The following BCAS3 variants were observed in gnomAD, a reference collection of about 807,000 sequenced individuals.
The protein encoded by BCAS3 is BCAS4/BCAS3 fusion.
In BCAS3, 53 loss-of-function variants were observed where a neutral mutation model predicts 116.1. The observed-to-expected ratio is 0.46, with a 90% CI of 0.37 to 0.57. BCAS3 has a LOEUF of 0.57. BCAS3 is among the 20% of genes least tolerant of loss of function. BCAS3 has a pLI of 0.00. For missense variants in BCAS3, 917 were observed against 1,165.4 expected (o/e 0.79, Z 3.10); for synonymous variants, 391 against 408.2 (o/e 0.96, Z 0.51).
chr17:61,045,187 A>T (rs1365384445), intron 19 of BCAS3, among the ~76,000 whole-genome samples: 2 of 152,026 alleles, frequency 1.3e-5, no homozygotes, highest in African/African-American at 4.8e-5. Flanking sequence ...TACAATTTAC[A>T]AAACCTTTTT....
chr17:60,921,779 T>C (rs2059115828), intron 12 of BCAS3, among the ~76,000 whole-genome samples: 2 of 151,732 alleles, frequency 1.3e-5, no homozygotes, highest in South Asian at 2.1e-4. Context: ...GTAACAAACC[T>C]GCACATGCAC....
chr17:60,717,174 G>A lies in BCAS3; in HGVS notation c.321+7849G>A, dbSNP rs150764254. On this transcript the variant is annotated intron_variant, in intron 5 of 23. Coordinates refer to ENST00000407086, the MANE Select transcript of BCAS3 (RefSeq NM_017679.5). ...CAAGCCAGTACAAACATTCTGAGGT[G>A]CAGAATATGTTTCTTTCTTTTTCTT... is the stretch of plus-strand genomic sequence containing the variant. Among the ~76,000 whole-genome samples the A allele has an allele frequency of 3.9e-3, 600 of 151,966 alleles. 16 individuals carry two copies. Among genetic ancestry groups the A allele is most frequent in the Admixed American group, 0.027 (415 of 15,252 alleles).
chr17:61,347,073 G>T lies in BCAS3; in HGVS notation c.2426-21254G>T, dbSNP rs918652548. On this transcript the variant is annotated intron_variant, in intron 22 of 23. Transcript: ENST00000407086. This position sits in a 1 kb window ranked among gnomAD's most constrained non-coding sequence, Gnocchi z 4.3. ...ATCACTCTCTAAATATTGGATTTTT[G>T]TTTTAACAAATTTTTTTTTAAGGCA... Among the ~76,000 whole-genome samples the T allele has an allele frequency of 6.6e-6, 1 of 152,198 alleles. No individual in the cohort carries two copies. Among genetic ancestry groups the T allele is most frequent in the East Asian group, 1.9e-4 (1 of 5,182 alleles).
At position 61,008,845 on chromosome 17, in the gene BCAS3, G is replaced by A. The variant is rs763782405; in HGVS notation, c.1487-6906G>A. ...AGGGCAAAAATAAAGGAGATATTTG[G>A]GACTGGGGCTGTTTCCGTAGAATTG... On this transcript the variant is annotated intron_variant, in intron 15 of 23. Coordinates refer to ENST00000407086, the MANE Select transcript of BCAS3 (RefSeq NM_017679.5). This position sits in a 1 kb window ranked among gnomAD's most constrained non-coding sequence, Gnocchi z 4.6. Among the ~76,000 whole-genome samples the A allele has an allele frequency of 1.3e-5, 2 of 151,996 alleles. No individual in the cohort carries two copies. Among genetic ancestry groups the A allele is most frequent in the Non-Finnish European group, 2.9e-5 (2 of 67,942 alleles).
chr17:60,944,488 A>G (rs1355657359), intron 13 of BCAS3, among the ~76,000 whole-genome samples: 1 of 152,048 alleles, frequency 6.6e-6, no homozygotes, highest in Non-Finnish European at 1.5e-5. Flanking sequence ...TTTTCCCCAG[A>G]AATTAACAGA....
intron 5 of BCAS3, among the ~76,000 whole-genome samples, chr17:60,737,174 A>T (rs777969909): frequency 2.6e-5 from 4 of 152,066 alleles, no homozygotes; most frequent in Non-Finnish European, 5.9e-5. Context: ...TCCTGACCTC[A>T]GATGATTCAC....
chr17:61,345,710 G>A (rs2057465207), intron 22 of BCAS3, among the ~76,000 whole-genome samples: 1 of 152,080 alleles, frequency 6.6e-6, no homozygotes, highest in Admixed American at 6.5e-5. Flanking sequence ...ACTTTACGGT[G>A]GACTTAGTGA....
At position 61,198,132 on chromosome 17, in the gene BCAS3, G is replaced by GTTTTTTTT; in HGVS notation, c.2425+113573_2425+113580dup. Among the ~76,000 whole-genome samples, 1 of 143,654 alleles carries GTTTTTTTT rather than the reference G, an allele frequency of 7.0e-6. No homozygotes were observed. The highest frequency in any genetic ancestry group is 1.5e-5 in the Non-Finnish European group (1 of 65,482). 94.2% of individuals were successfully genotyped at this position (143,654 alleles called of 152,430 possible). The stretch of plus-strand genomic sequence containing the variant: ...GCGATTAAGATAAAGTGCAAGATAT[G>GTTTTTTTT]TTTTTTTTTTTTCTTTTTTTTTTTT... On this transcript the variant is annotated intron_variant, in intron 22 of 23. Coordinates refer to ENST00000407086, the MANE Select transcript of BCAS3 (RefSeq NM_017679.5). The surrounding 1 kb of genome is among the most constrained non-coding windows in gnomAD (Gnocchi z 5.0).
At chr17:61,303,989 GAATCC>G (rs2053645791) in intron 22 of BCAS3, among the ~76,000 whole-genome samples, 1 of 152,128 alleles carries the variant, frequency 6.6e-6, no homozygotes, top group South Asian at 2.1e-4. Context: ...ATTATTTTCT[GAATCC>G]CAGTCTGTAA....
At chr17:61,201,419 A>G (rs1453374927) in intron 22 of BCAS3, among the ~76,000 whole-genome samples, 2 of 152,270 alleles carry the variant, frequency 1.3e-5, no homozygotes, top group Non-Finnish European at 2.9e-5. Context: ...AAAAGGATCC[A>G]AGAGGAATTC....
At chr17:60,727,646 C>T (rs1217917908) in intron 5 of BCAS3, among the ~76,000 whole-genome samples, 1 of 152,060 alleles carries the variant, frequency 6.6e-6, no homozygotes, top group East Asian at 1.9e-4. Context: ...ACGGAGGTCC[C>T]GTATACCTCC....
intron 13 of BCAS3, among the ~76,000 whole-genome samples, chr17:60,937,665 G>T (rs1599817563): frequency 6.6e-6 from 1 of 152,268 alleles, no homozygotes; most frequent in East Asian, 1.9e-4. Flanking sequence ...AACACATAAA[G>T]AATCTGCTTG....
intron 14 of BCAS3, among the ~76,000 whole-genome samples, chr17:60,977,695 TC>T (rs1223996524): frequency 1.3e-5 from 2 of 149,062 alleles, no homozygotes; most frequent in Admixed American, 6.6e-5. Flanking sequence ...ATGTTCCCCT[TC>T]CTGTGTCCAC....
At chr17:60,901,297 A>C (rs1051356382) in intron 10 of BCAS3, among the ~76,000 whole-genome samples, 3 of 152,040 alleles carry the variant, frequency 2.0e-5, no homozygotes, top group Non-Finnish European at 4.4e-5. Context: ...TAATTACCAG[A>C]AGCAGGGAAT....
chr17:60,855,521 C>A (rs1344778968), intron 7 of BCAS3, among the ~76,000 whole-genome samples: 1 of 135,084 alleles, frequency 7.4e-6, no homozygotes, highest in African/African-American at 2.8e-5. Context: ...GTGGTGAGAT[C>A]TCGGCTCACT....
chr17:60,754,349 C>T (rs1306259755), intron 6 of BCAS3, among the ~76,000 whole-genome samples: 3 of 152,044 alleles, frequency 2.0e-5, no homozygotes, highest in African/African-American at 2.4e-5. Flanking sequence ...AGACCACAGG[C>T]GTGTGCCACC....
At position 61,278,073 on chromosome 17, in the gene BCAS3, G is replaced by A. The variant is rs575450973; in HGVS notation, c.2426-90254G>A. On this transcript the variant is annotated intron_variant, in intron 22 of 23. Coordinates refer to ENST00000407086, the MANE Select transcript of BCAS3 (RefSeq NM_017679.5). The surrounding 1 kb of genome is among the most constrained non-coding windows in gnomAD (Gnocchi z 5.8). Reference sequence around the variant, plus strand: ...GTTTTGTTTGACGGAGTCACACTGTGTAGCCCAGGCTGGAGTGAGGTGGTA... The same window carrying A: ...GTTTTGTTTGACGGAGTCACACTGTATAGCCCAGGCTGGAGTGAGGTGGTA... Among the ~76,000 whole-genome samples, 1 of 152,332 alleles carries A rather than the reference G, an allele frequency of 6.6e-6. No homozygotes were observed. The highest frequency in any genetic ancestry group is 1.9e-4 in the East Asian group (1 of 5,192).
At chr17:61,255,823 C>A (rs777323553) in intron 22 of BCAS3, among the ~76,000 whole-genome samples, 2 of 152,136 alleles carry the variant, frequency 1.3e-5, no homozygotes, top group Non-Finnish European at 2.9e-5. Context: ...AAAGTCCTGG[C>A]AGTTTGTTTA....
Position 60,940,354 on chromosome 17 carries a change from G to T in BCAS3, c.1088-6865G>T, listed in dbSNP as rs189414713. Reference sequence around the variant, plus strand: ...TATATTTTAGGCTACTAAAGTGGAAGAATACATTGATGAGTTTGATTATTA... The same window carrying T: ...TATATTTTAGGCTACTAAAGTGGAATAATACATTGATGAGTTTGATTATTA... On this transcript the variant is annotated intron_variant, in intron 13 of 23. Transcript: ENST00000407086. 2.6e-5 allele frequency among the ~76,000 whole-genome samples: 4 copies of T among 152,288 alleles called. No homozygotes were observed. In the East Asian group the frequency reaches 7.7e-4, roughly 29 times the overall value.
Sources: allele counts gnomAD v4.1 joint callset (sites outside exome capture counted in the v4.1 genomes callset), GRCh38; gene constraint gnomAD v4.1.1; non-coding constraint Gnocchi (gnomAD v3.1); transcripts MANE v1.5; gene names NCBI Gene and HGNC (gene_info 2026-07-23, HGNC 2026-07-21).